Variants in EMC1 observed in about 807,000 individuals in gnomAD.
EMC1 encodes ER membrane protein complex subunit 1, also known as KIAA0090.
A neutral mutation model predicts 128.8 loss-of-function variants in EMC1; 103 were observed. The observed-to-expected ratio is 0.80, with a 90% confidence interval of 0.68 to 0.94. The LOEUF (loss-of-function observed/expected upper bound fraction) is 0.94. Ranked by LOEUF, EMC1 falls within the 40% of genes least tolerant of loss-of-function variation. The pLI is 0.00. For synonymous variants in EMC1, 442 were observed against 490.4 expected, an observed-to-expected ratio of 0.90 and a Z score of 1.30; for missense variants, 1,083 against 1,250.6, an observed-to-expected ratio of 0.87 and a Z score of 2.02.
intron 20 of EMC1, 51 bp downstream of exon 20, chr1:19,222,573 T>A (rs1457458517): frequency 1.3e-6 from 2 of 1,515,154 alleles, no homozygotes; most frequent in Non-Finnish European, 1.8e-6. Flanking sequence ...TGTCCTTAAG[T>A]GTGGTTGCCC....
At chr1:19,233,234 C>T (rs2093537993) in intron 13 of EMC1, 99 bp from the exon 14 acceptor site, 1 of 1,037,690 alleles carries the variant, frequency 9.6e-7, no homozygotes, top group African/African-American at 1.6e-5. Context: ...TCCTCTGGAG[C>T]AATAAAGTCC....
Position 19,239,997 on chromosome 1 carries a change from G to A in EMC1, c.787-12C>T. 1 of 1,606,624 alleles carries A rather than the reference G, an allele frequency of 6.2e-7. No individual in the cohort carries two copies. Among genetic ancestry groups the A allele is most frequent in the Non-Finnish European group, 8.5e-7 (1 of 1,175,210 alleles). ...TCTAAGTCGAGAGACTGGAAGGCAA[G>A]AAGGAGGAGGATTATGGCTAACAGC... On this transcript the variant is annotated splice_polypyrimidine_tract_variant and intron_variant, in intron 7 of 22. Coordinates refer to ENST00000477853, the MANE Select transcript of EMC1 (RefSeq NM_015047.3).
rs1192529772 is a variant in EMC1 at position 19,235,191 on chromosome 1, C to T, written c.1371G>A (p.Met457Ile). The change falls in exon 13 of 23, where the codon ATG becomes ATA. Residue 457 changes from methionine to isoleucine, a missense_variant. Coordinates refer to ENST00000477853, the MANE Select transcript of EMC1 (RefSeq NM_015047.3). ...ESLAEVVCLE[M>I]VDLPLTGAQA... The stretch of plus-strand genomic sequence containing the variant: ...GTGCCCCAGTCAGGGGGAGGTCCAC[C>T]ATCTCTAGGCACACCACTTCTGCCA... The T allele has an allele frequency of 1.9e-6, 3 of 1,613,954 alleles. No individual in the cohort carries two copies.
chr1:19,235,935 G>C (rs185526280), intron 12 of EMC1, among the ~76,000 whole-genome samples: 92 of 152,152 alleles, frequency 6.0e-4, no homozygotes, highest in African/African-American at 2.1e-3. Context: ...CTGTCTCCCA[G>C]ATTTTCTAGA....
chr1:19,224,603 G>A (rs1413420206), intron 18 of EMC1, among the ~76,000 whole-genome samples: 1 of 152,120 alleles, frequency 6.6e-6, no homozygotes, highest in Non-Finnish European at 1.5e-5. Context: ...CCCAGCTCCA[G>A]CCACCATCAG....
chr1:19,238,600 ACT>A (rs1164104234), intron 10 of EMC1, among the ~76,000 whole-genome samples, 193 bp downstream of exon 10: 1 of 152,050 alleles, frequency 6.6e-6, no homozygotes, highest in African/African-American at 2.4e-5. Context: ...CTAGAAACAG[ACT>A]CTAGGGATTC....
chr1:19,245,667 C>T (rs2093628956), intron 1 of EMC1, among the ~76,000 whole-genome samples: 2 of 140,720 alleles, frequency 1.4e-5, no homozygotes, highest in South Asian at 2.3e-4. Flanking sequence ...TCTTGTCCCC[C>T]AGGCTGGAGT....
At chr1:19,223,347 G>T in intron 19 of EMC1, 49 bp downstream of exon 19, 1 of 1,532,002 alleles carries the variant, frequency 6.5e-7, no homozygotes, top group Non-Finnish European at 8.9e-7. Context: ...GACTCAGGAG[G>T]CAGGGAGACC....
intron 16 of EMC1, 116 bp downstream of exon 16, chr1:19,231,145 G>A (rs554301285): frequency 1.5e-6 from 2 of 1,366,978 alleles, no homozygotes; most frequent in Non-Finnish European, 2.0e-6. Context: ...GATGGCCTTA[G>A]AGCCCAAACA....
rs200546721 is a variant in EMC1, at chr1:19,243,905, C to T, written c.286+45G>A. On this transcript the variant is annotated intron_variant, in intron 3 of 22. Transcript: ENST00000477853. Reference sequence around the variant, plus strand: ...CAGATCAAGGAGCCAAGGAATGGGACAGGGAGCTGGCCGCACAATGGAGAC... The same window carrying T: ...CAGATCAAGGAGCCAAGGAATGGGATAGGGAGCTGGCCGCACAATGGAGAC... 4.7e-4 allele frequency: 755 copies of T among 1,603,772 alleles called. 1 individual carries two copies. The highest frequency in any genetic ancestry group is 3.9e-3 in the African/African-American group (291 of 74,798).
chr1:19,245,535 T>C (rs1468157688), intron 1 of EMC1, among the ~76,000 whole-genome samples: 1 of 152,034 alleles, frequency 6.6e-6, no homozygotes, highest in African/African-American at 2.4e-5. Flanking sequence ...AGAAGAAAAT[T>C]AGCTCCTAAT....
intron 1 of EMC1, among the ~76,000 whole-genome samples, chr1:19,250,318 G>A (rs2093652657): frequency 6.9e-6 from 1 of 145,042 alleles, no homozygotes; most frequent in Non-Finnish European, 1.5e-5. Flanking sequence ...AGCTGCCCAA[G>A]ACACTAAGCA....
At chr1:19,249,228 G>A (rs2093645799) in intron 1 of EMC1, among the ~76,000 whole-genome samples, 1 of 152,028 alleles carries the variant, frequency 6.6e-6, no homozygotes, top group South Asian at 2.1e-4. Flanking sequence ...GTCCACAGTA[G>A]TGTACAGTAA....
chr1:19,251,365 T>C, intron 1 of EMC1, 50 bp downstream of exon 1: 2 of 1,498,116 alleles, frequency 1.3e-6, no homozygotes, highest in Non-Finnish European at 1.9e-6. Flanking sequence ...AGGAGACAGG[T>C]ACTGGGGAAA....
rs2093586722 is a variant in EMC1, at chr1:19,238,974, A to G, written c.1027-117T>C. On this transcript the variant is annotated intron_variant, in intron 9 of 22. Transcript: ENST00000477853. ...TGAGAGAAGACAAAGCTCATTTCTC[A>G]CCCCTGCCCACAAAGCCTATTCAAC... 8 of 808,054 alleles carry G rather than the reference A, an allele frequency of 9.9e-6. No homozygotes were observed. In the South Asian group the frequency reaches 1.2e-4, roughly 12 times the overall value. 50.1% of individuals were successfully genotyped at this position (808,054 alleles called of 1,614,324 possible).
Position 19,240,091 on chromosome 1 carries a change from A to G in EMC1, c.787-106T>C. 4.7e-6 allele frequency: 6 copies of G among 1,287,252 alleles called. No individual in the cohort carries two copies. In the South Asian group the frequency reaches 5.8e-5, roughly 13 times the overall value. The allele number at this position is 1,287,252 out of a possible 1,614,324, so 79.7% of individuals were successfully genotyped here. On this transcript the variant is annotated intron_variant, in intron 7 of 22. Coordinates refer to ENST00000477853, the MANE Select transcript of EMC1 (RefSeq NM_015047.3). Reference sequence around the variant, plus strand: ...CTTTGCCGGGGGAAGTAACTGGGCCATGGCAGGTGGCTCCAAATGCTCCAG... The same window carrying G: ...CTTTGCCGGGGGAAGTAACTGGGCCGTGGCAGGTGGCTCCAAATGCTCCAG...
chr1:19,247,453 G>T (rs58092052), intron 1 of EMC1, among the ~76,000 whole-genome samples: 42,024 of 152,116 alleles, frequency 0.28, 6,503 homozygotes, highest in East Asian at 0.6. Context: ...AGAGTATAAT[G>T]GAGCTGAAAA....
At position 19,222,761 on chromosome 1, in the gene EMC1, T is replaced by C. The variant is rs746034148; in HGVS notation, c.2450A>G (p.Tyr817Cys). Residue 817 changes from tyrosine (Y) to cysteine (C), a missense_variant, in exon 20 of 23, where the codon TAC becomes TGC. Around this residue, in one of 3 missense-constraint regions of EMC1, gnomAD observed 527 missense variants for 644.1 expected, o/e 0.82. Coordinates refer to ENST00000477853, the MANE Select transcript of EMC1 (RefSeq NM_015047.3). ...CAGGGAGCTGAAGGCGGTGGCGTTG[T>C]ATTGCTCAGTGCCCTCATAGAGCTC... ...VLELYEGTEQ[Y>C]NATAFSSLDR... The C allele has an allele frequency of 4.3e-6, 7 of 1,614,132 alleles. No homozygotes were observed. Among genetic ancestry groups the C allele is most frequent in the Non-Finnish European group, 5.9e-6 (7 of 1,180,002 alleles).
chr1:19,244,738 C>A (rs2093623955), intron 2 of EMC1, 168 bp downstream of exon 2: 1 of 682,574 alleles, frequency 1.5e-6, no homozygotes, highest in Non-Finnish European at 2.4e-6. Flanking sequence ...TAGGAACATA[C>A]AAATATTCAA....
Sources: gnomAD v4.1 joint callset for allele counts (sites outside exome capture counted in the v4.1 genomes callset) on GRCh38, gnomAD v4.1.1 for gene constraint, gnomAD v4.1.1 regional missense constraint, MANE v1.5 for transcripts, NCBI Gene and HGNC (gene_info 2026-07-23, HGNC 2026-07-21) for gene names.